Variants in DDI2 observed in about 807,000 individuals in gnomAD.
The protein encoded by DDI2 is protein DDI1 homolog 2.
A neutral mutation model predicts 48.1 loss-of-function variants in DDI2; 5 were observed. The observed-to-expected ratio is 0.10, with a 90% CI of 0.05 to 0.22. The LOEUF (loss-of-function observed/expected upper bound fraction) is 0.22, where lower values mean the gene tolerates loss of function less well. Ranked by LOEUF, DDI2 falls within the 10% of genes least tolerant of loss-of-function variation. The pLI, the probability that DDI2 is intolerant of heterozygous loss-of-function variation, is 1.00. For missense variants in DDI2, 285 were observed against 506.2 expected (o/e 0.56, Z 4.19); for synonymous variants, 205 against 183.6 (o/e 1.12, Z -0.94).
intron 6 of DDI2, among the ~76,000 whole-genome samples, chr1:15,647,208 C>T (rs573108371): frequency 3.3e-5 from 5 of 151,342 alleles, no homozygotes; most frequent in East Asian, 1.9e-4. Flanking sequence ...AGTGCGGTGG[C>T]GTAATCTTGG....
intron 8 of DDI2, 174 bp from the exon 9 acceptor site, chr1:15,656,443 A>G (rs1570991367): frequency 2.7e-6 from 4 of 1,489,630 alleles, no homozygotes; most frequent in Non-Finnish European, 2.7e-6. Context: ...ATTGTGAGAG[A>G]ATGGAAGCAA....
At chr1:15,636,515 C>T (rs1177810641) in intron 4 of DDI2, among the ~76,000 whole-genome samples, 2 of 152,052 alleles carry the variant, frequency 1.3e-5, no homozygotes, top group African/African-American at 4.8e-5. Context: ...CTCTGTCGTC[C>T]AGGCTGGAGT....
At chr1:15,654,671 A>AC (rs1294276984) in intron 8 of DDI2, among the ~76,000 whole-genome samples, 2 of 151,992 alleles carry the variant, frequency 1.3e-5, no homozygotes, top group Admixed American at 1.3e-4. Flanking sequence ...AAAAAAAAAA[A>AC]AACAACAGAA....
intron 7 of DDI2, among the ~76,000 whole-genome samples, chr1:15,650,851 T>C (rs1419890744): frequency 1.3e-5 from 2 of 149,472 alleles, no homozygotes; most frequent in African/African-American, 2.6e-5. Context: ...GCATTCTATT[T>C]ATTTATTTAT....
Position 15,662,790 on chromosome 1 carries a change from GGA to G in DDI2, c.*3004_*3005del, listed in dbSNP as rs1169442488. On this transcript the variant is annotated 3_prime_UTR_variant, in exon 10 of 10. Transcript: ENST00000480945. The stretch of plus-strand genomic sequence containing the variant: ...GGTGCTTGGAACGGTCAGTCTATTT[GGA>G]GAGTGTCCTTTGTGGCAGTGGAAAT... 8 of 152,188 alleles carry G rather than the reference GGA, an allele frequency of 5.3e-5. No homozygotes were observed. Among genetic ancestry groups the G allele is most frequent in the Non-Finnish European group, 1.0e-4 (7 of 68,044 alleles). 9.4% of individuals were successfully genotyped at this position (152,188 alleles called of 1,614,324 possible). A position where few individuals can be genotyped will look rare whatever the true frequency, so the allele number is the denominator to read the frequency against.
chr1:15,651,405 G>A (rs1640180884), intron 7 of DDI2, among the ~76,000 whole-genome samples: 1 of 152,074 alleles, frequency 6.6e-6, no homozygotes, highest in Non-Finnish European at 1.5e-5. Flanking sequence ...TGCAACCTCT[G>A]CCTCGCAGGT....
intron 1 of DDI2, 55 bp downstream of exon 1, chr1:15,617,863 G>A: frequency 9.5e-6 from 14 of 1,477,612 alleles, no homozygotes; most frequent in Non-Finnish European, 1.3e-5. Flanking sequence ...CCCGCCTCGG[G>A]GCCTCACTCC....
At chr1:15,656,258 A>G (rs1287386350) in intron 8 of DDI2, among the ~76,000 whole-genome samples, 1 of 152,214 alleles carries the variant, frequency 6.6e-6, no homozygotes, top group African/African-American at 2.4e-5. Context: ...GGACTGTTAG[A>G]TATGTTCACT....
At chr1:15,659,250 G>T (rs1421557523) in intron 9 of DDI2, among the ~76,000 whole-genome samples, 1 of 152,118 alleles carries the variant, frequency 6.6e-6, no homozygotes, top group Non-Finnish European at 1.5e-5. Context: ...GGTATACCTG[G>T]TTTAAGACTT....
rs1291033610 is a variant in DDI2, at chr1:15,635,218, G to A, written c.632+1653G>A. ...CATTCCAACCTGGGCAAGAGAGTGA[G>A]ACCCCCATCTTAGGAAAAAAAAAAA... is the stretch of plus-strand genomic sequence containing the variant. On this transcript the variant is annotated intron_variant, in intron 4 of 9. Transcript: ENST00000480945. Among the ~76,000 whole-genome samples the A allele has an allele frequency of 7.0e-5, 10 of 142,894 alleles. No homozygotes were observed. The East Asian group carries it at 2.0e-3, about 28-fold the overall frequency. 93.7% of individuals were successfully genotyped at this position (142,894 alleles called of 152,430 possible).
intron 8 of DDI2, among the ~76,000 whole-genome samples, chr1:15,655,119 G>A (rs748978335): frequency 9.2e-5 from 14 of 152,068 alleles, no homozygotes; most frequent in South Asian, 2.1e-4. Context: ...CTTAGTGAAG[G>A]GGATGTACCA....
At chr1:15,642,322 A>G (rs1026000135) in intron 5 of DDI2, among the ~76,000 whole-genome samples, 2 of 152,176 alleles carry the variant, frequency 1.3e-5, no homozygotes, top group African/African-American at 4.8e-5. Flanking sequence ...GTGCCCTCAT[A>G]TTTAAAGGGA....
intron 6 of DDI2, among the ~76,000 whole-genome samples, chr1:15,644,129 T>A (rs1438460766): frequency 1.3e-5 from 2 of 152,226 alleles, no homozygotes; most frequent in African/African-American, 4.8e-5. Flanking sequence ...CATTTCCTAA[T>A]TATGTAAATC....
At chr1:15,638,494 GA>G in intron 5 of DDI2, 60 bp downstream of exon 5, 1 of 1,493,538 alleles carries the variant, frequency 6.7e-7, no homozygotes, top group Non-Finnish European at 9.2e-7. Context: ...TGACACGGGA[GA>G]AGGGGAGGCT....
intron 9 of DDI2, among the ~76,000 whole-genome samples, chr1:15,657,181 G>A (rs1025588418): frequency 6.6e-6 from 1 of 152,180 alleles, no homozygotes; most frequent in African/African-American, 2.4e-5. Context: ...TGAACAACAG[G>A]AACTAAGACT....
At chr1:15,652,011 G>T in intron 8 of DDI2, 116 bp downstream of exon 8, 5 of 634,760 alleles carry the variant, frequency 7.9e-6, no homozygotes, top group Non-Finnish European at 6.6e-6. Context: ...TGGTCCAGTA[G>T]TAGATGTGTT....
intron 3 of DDI2, 110 bp from the exon 4 acceptor site, chr1:15,633,329 C>T (rs1188045149): frequency 2.4e-6 from 3 of 1,268,012 alleles, no homozygotes; most frequent in Non-Finnish European, 3.3e-6. Context: ...TTTAGGCATC[C>T]TCTCTGCATC....
intron 2 of DDI2, 87 bp from the exon 3 acceptor site, chr1:15,630,238 C>A: frequency 8.3e-7 from 1 of 1,203,696 alleles, no homozygotes; most frequent in Non-Finnish European, 1.2e-6. Context: ...TGTCATATAC[C>A]ATGTATGAGC....
At chr1:15,652,317 C>G (rs957402273) in intron 8 of DDI2, among the ~76,000 whole-genome samples, 1 of 151,506 alleles carries the variant, frequency 6.6e-6, no homozygotes, top group South Asian at 2.1e-4. Context: ...CTTGGCCTCC[C>G]GAAGTGCTGG....
Sources: allele counts gnomAD v4.1 joint callset (sites outside exome capture counted in the v4.1 genomes callset), GRCh38; gene constraint gnomAD v4.1.1; transcripts MANE v1.5; gene names NCBI Gene and HGNC (gene_info 2026-07-23, HGNC 2026-07-21).